Variants in CORO1C observed in about 807,000 individuals in gnomAD.
The protein encoded by CORO1C is coronin 1C, also known as coronin-1C.
Under a neutral mutation model 51.2 loss-of-function variants are expected in CORO1C, and 14 were observed. The observed-to-expected ratio is 0.27, with a 90% CI of 0.18 to 0.43. The LOEUF (loss-of-function observed/expected upper bound fraction) is 0.43, where lower values mean the gene tolerates loss of function less well. CORO1C is among the 20% of genes least tolerant of loss of function. The pLI is 1.00. For missense variants in CORO1C, 417 were observed against 607.8 expected (o/e 0.69, Z 3.30); for synonymous variants, 181 against 210.5 (o/e 0.86, Z 1.21).
At chr12:108,662,891 C>A (rs1168788064) in intron 3 of CORO1C, among the ~76,000 whole-genome samples, 1 of 152,000 alleles carries the variant, frequency 6.6e-6, no homozygotes, top group Admixed American at 6.5e-5. Context: ...AAAAAACAAC[C>A]TGCAGAATGG....
chr12:108,649,575 A>C (rs1037743030), intron 8 of CORO1C: 2 of 159,174 alleles, frequency 1.3e-5, no homozygotes, highest in African/African-American at 2.4e-5. Flanking sequence ...CAAAATGTGG[A>C]AAGAGAATGT....
intron 8 of CORO1C, 149 bp from the exon 9 acceptor site, chr12:108,649,169 AT>A: frequency 1.2e-6 from 1 of 824,094 alleles, no homozygotes; most frequent in Non-Finnish European, 1.9e-6. Context: ...AATAGGCAGA[AT>A]TTAGTGTTCC....
chr12:108,721,714 ACT>A (rs1162067515), intron 1 of CORO1C, among the ~76,000 whole-genome samples: 2 of 152,140 alleles, frequency 1.3e-5, no homozygotes, highest in Middle Eastern at 3.4e-3. Flanking sequence ...ATAATTTCCC[ACT>A]GTTTGATGAA....
rs532500369 is a variant in CORO1C, at chr12:108,648,303, C to G, written c.1305+302G>C. ...AGTTTGGCAAAAGACAGGAAAAACC[C>G]AAGAGGCTCCTGTTCACACTGAGAG... On this transcript the variant is annotated intron_variant, in intron 10 of 10. Transcript: ENST00000261401. Among the ~76,000 whole-genome samples the G allele has an allele frequency of 5.3e-5, 8 of 152,240 alleles. No homozygotes were observed. In the South Asian group the frequency reaches 1.5e-3, roughly 28 times the overall value.
intron 2 of CORO1C, among the ~76,000 whole-genome samples, chr12:108,690,333 G>A (rs1032259539): frequency 8.5e-5 from 13 of 152,200 alleles, no homozygotes; most frequent in Non-Finnish European, 1.9e-4. Context: ...TACCCTGTAA[G>A]GTAAGGTAAG....
At chr12:108,649,576 A>G (rs2136791713) in intron 8 of CORO1C, 1 of 159,362 alleles carries the variant, frequency 6.3e-6, no homozygotes, top group East Asian at 1.9e-4. Flanking sequence ...AAAATGTGGA[A>G]AGAGAATGTA....
In CORO1C at chr12:108,645,835, G is replaced by C. The variant is rs1754099912; in HGVS notation, c.*1568C>G. 1 of 152,186 alleles carries C rather than the reference G, an allele frequency of 6.6e-6. No homozygotes were observed. The highest frequency in any genetic ancestry group is 2.4e-5 in the African/African-American group (1 of 41,444). 9.4% of individuals were successfully genotyped at this position (152,186 alleles called of 1,614,324 possible). A position where few individuals can be genotyped will look rare whatever the true frequency, so the allele number is the denominator to read the frequency against. On this transcript the variant is annotated 3_prime_UTR_variant, in exon 11 of 11. Coordinates refer to ENST00000261401, the MANE Select transcript of CORO1C (RefSeq NM_014325.4). ...GTCCCAATGGCACTACACATTTCAC[G>C]TTCAATCACAGACAGCCCTTCCAAA... is the stretch of plus-strand genomic sequence containing the variant.
At chr12:108,655,000 T>C (rs1025739704) in intron 6 of CORO1C, among the ~76,000 whole-genome samples, 3 of 152,190 alleles carry the variant, frequency 2.0e-5, no homozygotes, top group African/African-American at 7.2e-5. Flanking sequence ...CCACTGCGCC[T>C]ACCCTATTTT....
At chr12:108,661,960 T>C in intron 4 of CORO1C, 69 bp downstream of exon 4, 3 of 1,582,878 alleles carry the variant, frequency 1.9e-6, no homozygotes, top group South Asian at 2.2e-5. Context: ...CAAAACACAT[T>C]TGCTTCCCCC....
chr12:108,715,934 C>A (rs2035320804), intron 1 of CORO1C, among the ~76,000 whole-genome samples: 2 of 151,490 alleles, frequency 1.3e-5, no homozygotes. Context: ...GAAATGAGAC[C>A]ATCCTGGCTA....
In CORO1C at chr12:108,651,764, G is replaced by A. The variant is rs544930173; in HGVS notation, c.1001+508C>T. Among the ~76,000 whole-genome samples the A allele has an allele frequency of 1.2e-4, 18 of 152,328 alleles. No homozygotes were observed. The South Asian group carries it at 3.5e-3, about 30-fold the overall frequency. ...CTTCAGTTATATGGGCAGGAAATGA[G>A]GTATTAATTCCACAGTACACACAAG... On this transcript the variant is annotated intron_variant, in intron 8 of 10. Coordinates refer to ENST00000261401, the MANE Select transcript of CORO1C (RefSeq NM_014325.4).
chr12:108,680,721 C>T lies in CORO1C; in HGVS notation c.196-2327G>A, dbSNP rs192440808. 1.4e-4 allele frequency among the ~76,000 whole-genome samples: 21 copies of T among 152,278 alleles called. No individual in the cohort carries two copies. In the East Asian group the frequency reaches 3.7e-3, roughly 27 times the overall value. ...CTTGAAGTACTCAATAAACATTACC[C>T]GAAATTTAACAAATGCTGGAATCTA... is the stretch of plus-strand genomic sequence containing the variant. On this transcript the variant is annotated intron_variant, in intron 2 of 10. Transcript: ENST00000261401.
At position 108,714,186 on chromosome 12, in the gene CORO1C, T is replaced by C. The variant is rs545084819; in HGVS notation, c.-5-12863A>G. ...TGGGCGGATCACGAAGTCAAGGGAT[T>C]GAAACCATCCTGGCCAACATAGTGA... On this transcript the variant is annotated intron_variant, in intron 1 of 10. Transcript: ENST00000261401. Among the ~76,000 whole-genome samples, 22 of 151,124 alleles carry C rather than the reference T, an allele frequency of 1.5e-4. No individual in the cohort carries two copies. In the East Asian group the frequency reaches 4.3e-3, roughly 30 times the overall value.
chr12:108,725,342 CAG>C (rs2035562258), intron 1 of CORO1C, among the ~76,000 whole-genome samples: 1 of 152,194 alleles, frequency 6.6e-6, no homozygotes, highest in African/African-American at 2.4e-5. Context: ...CATTCATTAA[CAG>C]ACATTTAAGA....
intron 3 of CORO1C, among the ~76,000 whole-genome samples, chr12:108,677,140 A>G (rs925460906): frequency 3.3e-5 from 5 of 152,206 alleles, no homozygotes; most frequent in African/African-American, 4.8e-5. Context: ...GTGCGAGACT[A>G]CCTGACATGT....
intron 1 of CORO1C, among the ~76,000 whole-genome samples, chr12:108,704,663 G>A (rs1195418118): frequency 6.6e-6 from 1 of 152,152 alleles, no homozygotes; most frequent in Non-Finnish European, 1.5e-5. Flanking sequence ...GAGCTTGAAG[G>A]GCAGTGTGAG....
In CORO1C at chr12:108,678,253, C is replaced by A. The variant is rs2033981664; in HGVS notation, c.318+19G>T. ...TGAGTCTCACTGGCCTGTGTGCACA[C>A]AACACCCTGGGAGCTTACCATGACC... On this transcript the variant is annotated intron_variant, in intron 3 of 10. Coordinates refer to ENST00000261401, the MANE Select transcript of CORO1C (RefSeq NM_014325.4). The A allele has an allele frequency of 1.9e-6, 3 of 1,603,396 alleles. No individual in the cohort carries two copies. Among genetic ancestry groups the A allele is most frequent in the Non-Finnish European group, 2.6e-6 (3 of 1,174,428 alleles).
chr12:108,708,365 G>T (rs532566002), intron 1 of CORO1C, among the ~76,000 whole-genome samples: 1 of 151,826 alleles, frequency 6.6e-6, no homozygotes, highest in Non-Finnish European at 1.5e-5. Flanking sequence ...CATTATAAAT[G>T]AAAGAAACCA....
chr12:108,667,632 TGGTGCATAA>T (rs1260028431), intron 3 of CORO1C, among the ~76,000 whole-genome samples: 1 of 152,218 alleles, frequency 6.6e-6, no homozygotes, highest in Non-Finnish European at 1.5e-5. Flanking sequence ...CCTGTTGTCC[TGGTGCATAA>T]GGAAGTGAGG....
Sources: allele counts gnomAD v4.1 joint callset (sites outside exome capture counted in the v4.1 genomes callset), GRCh38; gene constraint gnomAD v4.1.1; transcripts MANE v1.5; gene names NCBI Gene and HGNC (gene_info 2026-07-23, HGNC 2026-07-21).